Variants in ARNT2 observed in about 807,000 individuals in gnomAD.
ARNT2 encodes aryl hydrocarbon receptor nuclear translocator 2, also known as ARNT protein 2.
Under a neutral mutation model 91.7 loss-of-function variants are expected in ARNT2, and 36 were observed. That is an observed-to-expected ratio of 0.39 (90% CI 0.30 to 0.52). The LOEUF (loss-of-function observed/expected upper bound fraction) is 0.52. Ranked by LOEUF, ARNT2 falls within the 20% of genes least tolerant of loss-of-function variation. The pLI is 0.72. For missense variants in ARNT2, 775 were observed against 939.3 expected (o/e 0.83, Z 2.29); for synonymous variants, 365 against 347.1 (o/e 1.05, Z -0.57).
At chr15:80,532,617 G>C (rs1596001262) in intron 8 of ARNT2, among the ~76,000 whole-genome samples, 1 of 152,206 alleles carries the variant, frequency 6.6e-6, no homozygotes, top group African/African-American at 2.4e-5. Context: ...TGAGTGGCCA[G>C]CATGCTGTTG....
intron 2 of ARNT2, 95 bp from the exon 3 acceptor site, chr15:80,457,834 C>G: frequency 7.5e-7 from 1 of 1,333,148 alleles, no homozygotes; most frequent in Non-Finnish European, 1.1e-6. Context: ...GATAGCAGTC[C>G]TAGTGAATAA....
chr15:80,539,482 T>A (rs537265260), intron 8 of ARNT2, among the ~76,000 whole-genome samples: 3 of 152,166 alleles, frequency 2.0e-5, no homozygotes, highest in Non-Finnish European at 4.4e-5. Flanking sequence ...GAAACCATAA[T>A]TAATATCTTA....
At chr15:80,534,432 C>T (rs932818390) in intron 8 of ARNT2, among the ~76,000 whole-genome samples, 2 of 152,058 alleles carry the variant, frequency 1.3e-5, no homozygotes, top group Non-Finnish European at 2.9e-5. Flanking sequence ...GTAAACTGAA[C>T]TTGCTTTTAA....
chr15:80,520,217 C>A (rs913285821), intron 8 of ARNT2, among the ~76,000 whole-genome samples: 5 of 151,990 alleles, frequency 3.3e-5, no homozygotes, highest in Non-Finnish European at 7.4e-5. Flanking sequence ...ATATACAGTA[C>A]CTTAGATAGT....
intron 1 of ARNT2, among the ~76,000 whole-genome samples, chr15:80,411,786 T>G (rs560748362): frequency 1.3e-4 from 20 of 151,908 alleles, no homozygotes; most frequent in African/African-American, 4.4e-4. Context: ...GTCCTACACC[T>G]ACCTGATACC....
At chr15:80,554,953 G>A in intron 10 of ARNT2, 112 bp from the exon 11 acceptor site, 1 of 1,209,424 alleles carries the variant, frequency 8.3e-7, no homozygotes, top group Non-Finnish European at 1.2e-6. Flanking sequence ...GGGTGGGACA[G>A]GCTAAAGGAG....
At chr15:80,549,747 C>T (rs919359380) in intron 8 of ARNT2, among the ~76,000 whole-genome samples, 18 of 152,192 alleles carry the variant, frequency 1.2e-4, no homozygotes, top group African/African-American at 4.3e-4. Flanking sequence ...CCTATACATT[C>T]CTGGTGGGAA....
intron 8 of ARNT2, among the ~76,000 whole-genome samples, chr15:80,536,609 A>G (rs1897827780): frequency 6.6e-6 from 1 of 152,194 alleles, no homozygotes; most frequent in South Asian, 2.1e-4. Flanking sequence ...TAGAAAAGAA[A>G]ATGATTTGGG....
chr15:80,529,134 G>C (rs1028824656), intron 8 of ARNT2, among the ~76,000 whole-genome samples: 1 of 152,212 alleles, frequency 6.6e-6, no homozygotes, highest in Non-Finnish European at 1.5e-5. Context: ...CTTCTTGCAA[G>C]GTTGAGAAGT....
Position 80,513,922 on chromosome 15 carries a change from C to T in ARNT2, c.737C>T (p.Ala246Val). Residue 246 changes from alanine to valine, a missense_variant, in exon 7 of 19, where the codon GCT (alanine) becomes GTT (valine). Ala to Val is a moderately conservative substitution (Grantham distance 64, BLOSUM62 0). Around this residue, in one of 5 missense-constraint regions of ARNT2, gnomAD observed 285 missense variants for 327.2 expected, o/e 0.87. Transcript: ENST00000303329. ...SFICRMRCGNAPLDHLPLNRI... is the reference protein window; with the variant it reads ...SFICRMRCGNVPLDHLPLNRI... ...TTGTCACATCTTAGGTGTGGAAATG[C>T]TCCTTTGGACCACCTTCCTCTAAAC... The T allele has an allele frequency of 6.2e-7, 1 of 1,613,438 alleles. No individual in the cohort carries two copies. Among genetic ancestry groups the T allele is most frequent in the Non-Finnish European group, 8.5e-7 (1 of 1,179,432 alleles).
chr15:80,545,233 C>A (rs945164713), intron 8 of ARNT2, among the ~76,000 whole-genome samples: 1 of 152,224 alleles, frequency 6.6e-6, no homozygotes, highest in African/African-American at 2.4e-5. Flanking sequence ...AGAGCTAGCT[C>A]TTTAGTCAGC....
At chr15:80,476,443 G>T (rs1358466797) in intron 5 of ARNT2, among the ~76,000 whole-genome samples, 3 of 152,180 alleles carry the variant, frequency 2.0e-5, no homozygotes, top group African/African-American at 4.8e-5. Context: ...AATCACATTG[G>T]AACAAATTTG....
At chr15:80,419,224 T>C (rs1555454625) in intron 1 of ARNT2, among the ~76,000 whole-genome samples, 1 of 151,586 alleles carries the variant, frequency 6.6e-6, no homozygotes, top group Non-Finnish European at 1.5e-5. Context: ...GGGGTGGGAG[T>C]GGGCTGGGGT....
chr15:80,409,126 G>A (rs1480153661), intron 1 of ARNT2, among the ~76,000 whole-genome samples: 1 of 152,126 alleles, frequency 6.6e-6, no homozygotes, highest in African/African-American at 2.4e-5. Flanking sequence ...CTTGATGGTT[G>A]GTAGACGTTC....
At chr15:80,534,662 C>G (rs145743805) in intron 8 of ARNT2, among the ~76,000 whole-genome samples, 1 of 152,280 alleles carries the variant, frequency 6.6e-6, no homozygotes, top group Non-Finnish European at 1.5e-5. Flanking sequence ...CTACCTTGTT[C>G]CTTTAAATGG....
At chr15:80,471,944 T>G (rs952767550) in intron 4 of ARNT2, among the ~76,000 whole-genome samples, 1 of 152,176 alleles carries the variant, frequency 6.6e-6, no homozygotes. Context: ...TCAGGGTCTT[T>G]GTATTTCCAT....
At chr15:80,408,887 GAATTTTAAA>G (rs1895642390) in intron 1 of ARNT2, among the ~76,000 whole-genome samples, 1 of 152,086 alleles carries the variant, frequency 6.6e-6, no homozygotes, top group Non-Finnish European at 1.5e-5. Context: ...ATTAATTAAT[GAATTTTAAA>G]AAGTTAATTT....
intron 5 of ARNT2, among the ~76,000 whole-genome samples, chr15:80,504,138 C>T (rs1270729439): frequency 1.3e-5 from 2 of 152,200 alleles, no homozygotes; most frequent in Non-Finnish European, 2.9e-5. Flanking sequence ...GGGAGGGTGA[C>T]TTCTTCAAGG....
intron 5 of ARNT2, among the ~76,000 whole-genome samples, chr15:80,482,696 A>T (rs1408930693): frequency 1.3e-5 from 2 of 152,182 alleles, no homozygotes; most frequent in African/African-American, 4.8e-5. Context: ...TGAGGCTCGG[A>T]TGCAGGGGTC....
Sources: allele counts gnomAD v4.1 joint callset (sites outside exome capture counted in the v4.1 genomes callset), GRCh38; gene constraint gnomAD v4.1.1; regional missense constraint gnomAD v4.1.1; transcripts MANE v1.5; gene names NCBI Gene and HGNC (gene_info 2026-07-23, HGNC 2026-07-21).